The following MAP2K5 variants were observed in gnomAD, a reference collection of about 807,000 sequenced individuals.
The protein encoded by MAP2K5 is dual specificity mitogen-activated protein kinase kinase 5.
In MAP2K5, 49 loss-of-function variants were observed where a neutral mutation model predicts 83.1. That is an observed-to-expected ratio of 0.59 (90% confidence interval 0.47 to 0.75). The LOEUF (loss-of-function observed/expected upper bound fraction) is 0.75, where lower values mean the gene tolerates loss of function less well. Ranked by LOEUF, MAP2K5 falls within the 30% of genes least tolerant of loss-of-function variation. The probability of loss-of-function intolerance (pLI) is 0.00; values close to 1 mark genes in which losing one functional copy is unlikely to be tolerated. For missense variants in MAP2K5, 457 were observed against 557.5 expected, an observed-to-expected ratio of 0.82 and a Z score of 1.82; for synonymous variants, 202 against 191.8, an observed-to-expected ratio of 1.05 and a Z score of -0.44.
In MAP2K5 at chr15:67,726,468, A is replaced by G. The variant is rs116944661; in HGVS notation, c.1045-1448A>G. Among the ~76,000 whole-genome samples the G allele has an allele frequency of 3.2e-3, 487 of 152,394 alleles. 3 individuals are homozygous for G. Among genetic ancestry groups the G allele is most frequent in the Non-Finnish European group, 4.0e-3 (270 of 68,036 alleles). Reference sequence around the variant, plus strand: ...TGAGGGGTATAATTTTAAATCCAAGATAAGGTGCATACTAATAAAATGAAA... The same window carrying G: ...TGAGGGGTATAATTTTAAATCCAAGGTAAGGTGCATACTAATAAAATGAAA... On this transcript the variant is annotated intron_variant, in intron 16 of 21. Transcript: ENST00000178640.
intron 13 of MAP2K5, among the ~76,000 whole-genome samples, chr15:67,669,164 A>G (rs2087461713): frequency 1.3e-5 from 2 of 152,192 alleles, no homozygotes; most frequent in Non-Finnish European, 2.9e-5. Flanking sequence ...GCGCTTTCAC[A>G]GTACTTGAAA....
intron 8 of MAP2K5, among the ~76,000 whole-genome samples, chr15:67,613,563 A>G (rs996597512): frequency 3.9e-5 from 6 of 152,172 alleles, no homozygotes; most frequent in African/African-American, 7.2e-5. Context: ...CCCCCTGGAA[A>G]CCATCAGCTT....
chr15:67,591,817 A>G (rs914546085), intron 6 of MAP2K5, among the ~76,000 whole-genome samples: 1 of 151,874 alleles, frequency 6.6e-6, no homozygotes, highest in Admixed American at 6.6e-5. Flanking sequence ...TTTTTCTTCA[A>G]TAAGGACTTT....
At chr15:67,544,372 T>C (rs757544925) in intron 1 of MAP2K5, among the ~76,000 whole-genome samples, 1 of 152,222 alleles carries the variant, frequency 6.6e-6, no homozygotes, top group Non-Finnish European at 1.5e-5. Context: ...CAGAATATAT[T>C]TCAAATAAAA....
At chr15:67,686,334 C>T (rs948224949) in intron 13 of MAP2K5, among the ~76,000 whole-genome samples, 8 of 152,058 alleles carry the variant, frequency 5.3e-5, no homozygotes, top group East Asian at 1.9e-4. Context: ...TGGCCAGGCG[C>T]GATGGCTCAC....
At chr15:67,685,927 T>A (rs957188154) in intron 13 of MAP2K5, among the ~76,000 whole-genome samples, 4 of 152,232 alleles carry the variant, frequency 2.6e-5, no homozygotes, top group Admixed American at 2.6e-4. Flanking sequence ...CAGCAGAATT[T>A]GAGTAGTTAC....
rs115092472 is a variant in MAP2K5 at position 67,777,300 on chromosome 15, C to A, written c.1242+4548C>A. On this transcript the variant is annotated intron_variant, in intron 21 of 21. Transcript: ENST00000178640. The surrounding 1 kb of genome is among the most constrained non-coding windows in gnomAD (Gnocchi z 6.0). ...TGGGCTGTGGGCACCCACACAGTTACAATTTGGGCTCAGAGTACGGTAGAT... is the reference window on the plus strand; with the variant it reads ...TGGGCTGTGGGCACCCACACAGTTAAAATTTGGGCTCAGAGTACGGTAGAT... 0.014 allele frequency among the ~76,000 whole-genome samples: 2,069 copies of A among 152,256 alleles called. 58 individuals carry two copies. Among genetic ancestry groups the A allele is most frequent in the African/African-American group, 0.048 (1,995 of 41,532 alleles).
chr15:67,730,284 G>A (rs541928070), intron 17 of MAP2K5, among the ~76,000 whole-genome samples: 1 of 152,278 alleles, frequency 6.6e-6, no homozygotes, highest in South Asian at 2.1e-4. Context: ...CACTGAGGCT[G>A]AGTTATGGAA....
chr15:67,649,378 C>A (rs1013598182), intron 11 of MAP2K5, among the ~76,000 whole-genome samples: 2 of 151,546 alleles, frequency 1.3e-5, no homozygotes, highest in Non-Finnish European at 2.9e-5. Context: ...TTTTGAGCTG[C>A]GGTCTCATTA....
chr15:67,789,272 C>T (rs144499909), intron 21 of MAP2K5, among the ~76,000 whole-genome samples: 19 of 152,156 alleles, frequency 1.2e-4, no homozygotes, highest in African/African-American at 4.1e-4. Flanking sequence ...ATATTTTGAC[C>T]ATTTCCATAT....
At chr15:67,649,732 C>T (rs1173809077) in intron 11 of MAP2K5, among the ~76,000 whole-genome samples, 1 of 152,096 alleles carries the variant, frequency 6.6e-6, no homozygotes, top group Non-Finnish European at 1.5e-5. Flanking sequence ...ATTACTTGTA[C>T]TTGAAAACTC....
intron 17 of MAP2K5, among the ~76,000 whole-genome samples, chr15:67,739,728 A>G (rs2089450997): frequency 6.6e-6 from 1 of 151,598 alleles, no homozygotes; most frequent in South Asian, 2.1e-4. Context: ...TGATCCACCC[A>G]CCTCGGCCAC....
Position 67,750,642 on chromosome 15 carries a change from G to A in MAP2K5, c.1134+2041G>A, listed in dbSNP as rs561251222. ...CGTGCCTAGAATCTACTAGTTTCTC[G>A]GGTAACTCTCTGCACATTATAAGTT... On this transcript the variant is annotated intron_variant, in intron 19 of 21. Transcript: ENST00000178640. This position sits in a 1 kb window ranked among gnomAD's most constrained non-coding sequence, Gnocchi z 4.2. Among the ~76,000 whole-genome samples the A allele has an allele frequency of 9.3e-4, 141 of 152,124 alleles. No individual in the cohort carries two copies. The highest frequency in any genetic ancestry group is 1.5e-3 in the Non-Finnish European group (104 of 68,016).
chr15:67,607,542 G>A (rs1037133660), intron 8 of MAP2K5, among the ~76,000 whole-genome samples: 5 of 152,132 alleles, frequency 3.3e-5, no homozygotes, highest in African/African-American at 1.2e-4. Context: ...CAGCCAACAT[G>A]ACAGGATGTC....
At chr15:67,753,487 A>G (rs1267539673) in intron 19 of MAP2K5, among the ~76,000 whole-genome samples, 3 of 152,206 alleles carry the variant, frequency 2.0e-5, no homozygotes, top group Non-Finnish European at 4.4e-5. Flanking sequence ...CTTACAACTC[A>G]ATGATAAATA....
Position 67,587,232 on chromosome 15 carries a change from A to AG in MAP2K5, c.431+323dup, listed in dbSNP as rs1169105451. Among the ~76,000 whole-genome samples, 1 of 152,022 alleles carries AG rather than the reference A, an allele frequency of 6.6e-6. No homozygotes were observed. Among genetic ancestry groups the AG allele is most frequent in the Middle Eastern group, 3.2e-3 (1 of 316 alleles). ...GTGAGTAGGCCAGTTTGGCACAGGG[A>AG]GGGGTGCTGGGTTGGGGAAGGGATT... is the stretch of plus-strand genomic sequence containing the variant. On this transcript the variant is annotated intron_variant, in intron 6 of 21. Coordinates refer to ENST00000178640, the MANE Select transcript of MAP2K5 (RefSeq NM_145160.3). This position sits in a 1 kb window ranked among gnomAD's most constrained non-coding sequence, Gnocchi z 4.8.
At chr15:67,703,165 T>A (rs190010905) in intron 15 of MAP2K5, among the ~76,000 whole-genome samples, 172 bp from the exon 16 acceptor site, 1 of 152,246 alleles carries the variant, frequency 6.6e-6, no homozygotes, top group Non-Finnish European at 1.5e-5. Flanking sequence ...CTATAGATCA[T>A]CTATATACTG....
intron 16 of MAP2K5, among the ~76,000 whole-genome samples, chr15:67,723,244 A>T (rs539700678): frequency 6.6e-6 from 1 of 152,210 alleles, no homozygotes; most frequent in African/African-American, 2.4e-5. Context: ...ATCGTGTTAT[A>T]TATTTGGCAA....
chr15:67,737,466 G>A (rs1001059239), intron 17 of MAP2K5, among the ~76,000 whole-genome samples: 15 of 152,142 alleles, frequency 9.9e-5, no homozygotes, highest in Non-Finnish European at 1.8e-4. Context: ...TAATGCGTGG[G>A]AGGTTTGGGA....
Sources: gnomAD v4.1 joint callset for allele counts (sites outside exome capture counted in the v4.1 genomes callset) on GRCh38, gnomAD v4.1.1 for gene constraint, Gnocchi (gnomAD v3.1) non-coding constraint, MANE v1.5 for transcripts, NCBI Gene and HGNC (gene_info 2026-07-23, HGNC 2026-07-21) for gene names.